Variants in IARS1 observed in about 807,000 individuals in gnomAD.
IARS1 encodes the protein isoleucyl-tRNA synthetase 1, also known as isoleucine--tRNA ligase, cytoplasmic.
In IARS1, 124 loss-of-function variants were observed where a neutral mutation model predicts 168.2. The ratio of observed to expected loss-of-function variants is 0.74; its 90% CI spans 0.64 to 0.86. The LOEUF (loss-of-function observed/expected upper bound fraction) is 0.86. Among genes scored for constraint, IARS1 ranks in the 40% least tolerant of loss-of-function variants. The pLI, the probability that IARS1 is intolerant of heterozygous loss-of-function variation, is 0.00. For missense variants in IARS1, 1,452 were observed against 1,515.8 expected (o/e 0.96, Z 0.70); for synonymous variants, 532 against 529.4 (o/e 1.00, Z -0.07).
intron 30 of IARS1, among the ~76,000 whole-genome samples, chr9:92,239,026 T>G (rs1827970381): frequency 6.6e-6 from 1 of 152,228 alleles, no homozygotes; most frequent in Admixed American, 6.5e-5. Flanking sequence ...CTGATGATGT[T>G]GAGGCCTTAG....
chr9:92,263,414 A>G (rs923527358), intron 16 of IARS1, among the ~76,000 whole-genome samples: 1 of 152,258 alleles, frequency 6.6e-6, no homozygotes, highest in Non-Finnish European at 1.5e-5. Flanking sequence ...CATATGGAAA[A>G]GACAATTTGA....
At chr9:92,256,525 A>G in intron 20 of IARS1, 155 bp downstream of exon 20, 1 of 742,428 alleles carries the variant, frequency 1.3e-6, no homozygotes, top group East Asian at 2.9e-5. Context: ...AGATATCACG[A>G]CAATTAACAA....
In IARS1 at chr9:92,259,675, C is replaced by T. The variant is rs201383959; in HGVS notation, c.1871+476G>A. ...ATCTCTAGGTCCCTTTCAACTTGAA[C>T]ACTGTGTGGTTTCATGATTACAGCT... is the stretch of plus-strand genomic sequence containing the variant. On this transcript the variant is annotated intron_variant, in intron 18 of 33. Coordinates refer to ENST00000443024, the MANE Select transcript of IARS1 (RefSeq NM_002161.6). Among the ~76,000 whole-genome samples, 26 of 152,286 alleles carry T rather than the reference C, an allele frequency of 1.7e-4. No individual in the cohort carries two copies. The East Asian group carries it at 4.8e-3, about 28-fold the overall frequency.
chr9:92,225,486 C>G (rs191686578), intron 31 of IARS1, among the ~76,000 whole-genome samples: 1 of 151,846 alleles, frequency 6.6e-6, no homozygotes, highest in Non-Finnish European at 1.5e-5. Flanking sequence ...ATCAACATCA[C>G]CCAAAGAAGG....
intron 20 of IARS1, chr9:92,253,709 A>G (rs1830332547): frequency 5.8e-6 from 3 of 516,756 alleles, no homozygotes; most frequent in East Asian, 4.0e-5. Context: ...GGTCAGTGAG[A>G]AAAGCCAAAA....
rs1828545852 is a variant in IARS1 at position 92,242,288 on chromosome 9, C to T, written c.3043G>A (p.Ala1015Thr). 6.2e-7 allele frequency: 1 copy of T among 1,613,876 alleles called. No homozygotes were observed. The highest frequency in any genetic ancestry group is 1.3e-5 in the African/African-American group (1 of 74,902). The stretch of plus-strand genomic sequence containing the variant: ...TTCAGATATGTTCCTTCAGACTTTG[C>T]TTTATAGTACACTGTGATTTCATCA... ...PTDEITVYYKAKSEGTYLNSV... is the reference protein window; with the variant it reads ...PTDEITVYYKTKSEGTYLNSV... The change falls in exon 29 of 34, where the codon GCA (alanine) becomes ACA (threonine). Residue 1015 changes from alanine to threonine, a missense_variant. Physicochemically the swap from Ala to Thr is moderately conservative, Grantham distance 58. Coordinates refer to ENST00000443024, the MANE Select transcript of IARS1 (RefSeq NM_002161.6).
chr9:92,268,189 G>A lies in IARS1; in HGVS notation c.1416C>T (p.Ser472=), dbSNP rs1381484229. The part of the protein sequence containing the change: ...YWGTPIPLWV[S]DDFEEVVCIG... ...CATGCCTCACCTCCTCAAAGTCATC[G>A]CTGACCCACAGTGGGATGGGGGTGC... The change falls in exon 14 of 34, where the codon AGC becomes AGT. Residue 472 remains serine, a synonymous_variant. Coordinates refer to ENST00000443024, the MANE Select transcript of IARS1 (RefSeq NM_002161.6). The A allele has an allele frequency of 1.9e-5, 30 of 1,601,800 alleles. No individual in the cohort carries two copies. Among genetic ancestry groups the A allele is most frequent in the Non-Finnish European group, 2.3e-5 (27 of 1,176,548 alleles).
chr9:92,261,090 C>G (rs929767668), intron 17 of IARS1, among the ~76,000 whole-genome samples: 1 of 152,132 alleles, frequency 6.6e-6, no homozygotes, highest in Non-Finnish European at 1.5e-5. Context: ...AGGTGGATCG[C>G]CTGAGCTCAG....
chr9:92,241,167 T>C (rs1828343883), intron 29 of IARS1, among the ~76,000 whole-genome samples: 1 of 152,130 alleles, frequency 6.6e-6, no homozygotes, highest in Non-Finnish European at 1.5e-5. Flanking sequence ...AAATATATGC[T>C]CACTTAAAAA....
At chr9:92,285,695 T>C in intron 6 of IARS1, 27 bp downstream of exon 6, 1 of 1,395,442 alleles carries the variant, frequency 7.2e-7, no homozygotes. Flanking sequence ...AACTCAATGC[T>C]GAATAATGTC....
chr9:92,271,428 A>G, intron 11 of IARS1, 105 bp downstream of exon 11: 4 of 1,451,914 alleles, frequency 2.8e-6, no homozygotes, highest in Admixed American at 1.8e-5. Flanking sequence ...CGATGACAAA[A>G]CCAAATAAAA....
At chr9:92,250,368 G>C (rs1445376467) in intron 23 of IARS1, 79 bp from the exon 24 acceptor site, 1 of 918,590 alleles carries the variant, frequency 1.1e-6, no homozygotes, top group Non-Finnish European at 1.8e-6. Context: ...GCATAAGCGA[G>C]GAAGAGGGTC....
At chr9:92,252,764 CAAAAAAAAAAAAAAAAA>C (rs34983021) in intron 21 of IARS1, among the ~76,000 whole-genome samples, 8 of 27,236 alleles carry the variant, frequency 2.9e-4, no homozygotes, top group South Asian at 2.1e-3. Context: ...AACTCCTTCT[CAAAAAAAAAAAAAAAAA>C]AAAAAAAAAA....
intron 33 of IARS1, among the ~76,000 whole-genome samples, chr9:92,216,280 C>A (rs1474698118): frequency 6.6e-6 from 1 of 150,398 alleles, no homozygotes; most frequent in Non-Finnish European, 1.5e-5. Flanking sequence ...AAGCGCTAAA[C>A]ATGGAAAGGA....
intron 4 of IARS1, 42 bp downstream of exon 4, chr9:92,287,749 A>G (rs1487683353): frequency 6.4e-7 from 1 of 1,571,794 alleles, no homozygotes; most frequent in East Asian, 2.3e-5. Context: ...CCATTTAGTA[A>G]CTACATTTGC....
At chr9:92,211,478 T>C (rs1837758749) in intron 33 of IARS1, among the ~76,000 whole-genome samples, 1 of 152,176 alleles carries the variant, frequency 6.6e-6, no homozygotes, top group Non-Finnish European at 1.5e-5. Flanking sequence ...GAGGGTGGTT[T>C]AGGAAAATCC....
At chr9:92,222,415 A>G (rs1587705352) in intron 33 of IARS1, 105 bp downstream of exon 33, 2 of 645,944 alleles carry the variant, frequency 3.1e-6, no homozygotes. Context: ...ATAACAAAAC[A>G]GGATAACAAT....
At chr9:92,269,736 T>C in intron 13 of IARS1, 149 bp downstream of exon 13, 3 of 536,400 alleles carry the variant, frequency 5.6e-6, no homozygotes, top group East Asian at 3.0e-5. Flanking sequence ...TTGAATTATT[T>C]TGTGCTCCTA....
intron 1 of IARS1, 135 bp from the exon 2 acceptor site, chr9:92,289,561 T>C (rs1341485429): frequency 1.3e-5 from 8 of 605,562 alleles, no homozygotes; most frequent in African/African-American, 3.7e-5. Context: ...ACAATTTACA[T>C]AGTGTAATGT....
Sources: allele counts gnomAD v4.1 joint callset (sites outside exome capture counted in the v4.1 genomes callset), GRCh38; gene constraint gnomAD v4.1.1; transcripts MANE v1.5; gene names NCBI Gene and HGNC (gene_info 2026-07-23, HGNC 2026-07-21).